CCSER1: variants seen among roughly 807,000 people sequenced by gnomAD.
The protein encoded by CCSER1 is coiled-coil serine rich protein 1, also known as serine-rich coiled-coil domain-containing protein 1.
A neutral mutation model predicts 82.0 loss-of-function variants in CCSER1; 41 were observed. The ratio of observed to expected loss-of-function variants is 0.50; its 90% CI spans 0.39 to 0.65. CCSER1 has a LOEUF of 0.65. Ranked by LOEUF, CCSER1 falls within the 30% of genes least tolerant of loss-of-function variation. CCSER1 has a pLI of 0.00. For missense variants in CCSER1, 1,119 were observed against 1,064.2 expected, an observed-to-expected ratio of 1.05 and a Z score of -0.72; for synonymous variants, 414 against 383.9, an observed-to-expected ratio of 1.08 and a Z score of -0.92.
At chr4:90,607,631 T>G (rs1056575285) in intron 5 of CCSER1, among the ~76,000 whole-genome samples, 1 of 152,180 alleles carries the variant, frequency 6.6e-6, no homozygotes, top group African/African-American at 2.4e-5. Flanking sequence ...TAATACCAGT[T>G]ATGTTCGAAT....
intron 9 of CCSER1, among the ~76,000 whole-genome samples, chr4:91,059,414 G>A (rs1380183367): frequency 1.5e-5 from 2 of 133,638 alleles, no homozygotes; most frequent in Non-Finnish European, 3.2e-5. Context: ...GTTTGTTTTT[G>A]TTGTATTAAT....
chr4:90,982,771 T>C (rs1736233503), intron 9 of CCSER1, among the ~76,000 whole-genome samples: 1 of 151,798 alleles, frequency 6.6e-6, no homozygotes, highest in East Asian at 1.9e-4. Flanking sequence ...AGGTCATTCC[T>C]TTGAACCTAG....
chr4:90,260,554 G>A (rs769798838), intron 1 of CCSER1, among the ~76,000 whole-genome samples: 11 of 151,964 alleles, frequency 7.2e-5, no homozygotes, highest in Non-Finnish European at 1.3e-4. Flanking sequence ...AGTCTGTTTT[G>A]TCTGACATAA....
chr4:91,199,198 C>T (rs1243954841), intron 10 of CCSER1, among the ~76,000 whole-genome samples: 1 of 152,074 alleles, frequency 6.6e-6, no homozygotes, highest in African/African-American at 2.4e-5. Flanking sequence ...GATGGCTTGT[C>T]ACCCAAAGCA....
chr4:90,562,178 G>A (rs1392222899), intron 5 of CCSER1, among the ~76,000 whole-genome samples: 6 of 112,476 alleles, frequency 5.3e-5, no homozygotes, highest in Non-Finnish European at 1.7e-5. Flanking sequence ...CAACAAGAGT[G>A]AAACTCCATC....
chr4:90,797,199 G>T (rs1053166993), intron 7 of CCSER1, among the ~76,000 whole-genome samples: 1 of 152,164 alleles, frequency 6.6e-6, no homozygotes, highest in Non-Finnish European at 1.5e-5. Context: ...AGGTTAGCTA[G>T]ATCTTATTGT....
chr4:90,313,584 C>T (rs1056538416), intron 3 of CCSER1, among the ~76,000 whole-genome samples: 2 of 152,060 alleles, frequency 1.3e-5, no homozygotes, highest in African/African-American at 4.8e-5. Context: ...ATACCCTATT[C>T]CTGGTCCAAA....
At chr4:90,839,135 T>C in intron 8 of CCSER1, 1 of 905,394 alleles carries the variant, frequency 1.1e-6, no homozygotes, top group Non-Finnish European at 1.8e-6. Context: ...TTTTTAATAA[T>C]GTTTGCATTT....
intron 6 of CCSER1, among the ~76,000 whole-genome samples, chr4:90,691,578 A>C (rs143163753): frequency 1.0e-4 from 15 of 150,408 alleles, no homozygotes; most frequent in East Asian, 3.9e-4. Flanking sequence ...CACATGTATA[A>C]TGCATGTGAA....
chr4:90,507,087 A>C (rs1179648664), intron 5 of CCSER1, among the ~76,000 whole-genome samples: 1 of 152,240 alleles, frequency 6.6e-6, no homozygotes, highest in Non-Finnish European at 1.5e-5. Context: ...AATGAAGCAT[A>C]AAGGAATGTG....
intron 10 of CCSER1, among the ~76,000 whole-genome samples, chr4:91,203,838 T>G (rs937010339): frequency 2.0e-5 from 3 of 151,894 alleles, no homozygotes; most frequent in African/African-American, 7.2e-5. Context: ...TACTGATTAC[T>G]GTCTGTTGAA....
At chr4:91,196,178 CAAAAAAAA>C (rs61336014) in intron 10 of CCSER1, among the ~76,000 whole-genome samples, 165 of 60,832 alleles carry the variant, frequency 2.7e-3, no homozygotes, top group African/African-American at 6.7e-3. Context: ...AACAGCGAGA[CAAAAAAAA>C]AAAAAAAAAA....
At chr4:91,021,052 T>C (rs1214924723) in intron 9 of CCSER1, among the ~76,000 whole-genome samples, 1 of 152,202 alleles carries the variant, frequency 6.6e-6, no homozygotes, top group East Asian at 1.9e-4. Context: ...CCTTCCATTA[T>C]GAGATTATGC....
At chr4:90,318,566 TAAG>T (rs1736571441) in intron 3 of CCSER1, among the ~76,000 whole-genome samples, 1 of 152,248 alleles carries the variant, frequency 6.6e-6, no homozygotes, top group African/African-American at 2.4e-5. Flanking sequence ...ATTTGATTAA[TAAG>T]AAGTAGTTAG....
intron 10 of CCSER1, among the ~76,000 whole-genome samples, chr4:91,378,034 A>C (rs1750562844): frequency 6.6e-6 from 1 of 152,170 alleles, no homozygotes; most frequent in Non-Finnish European, 1.5e-5. Context: ...TGTTTTTGTC[A>C]GATTTGTCAA....
chr4:90,829,204 A>G lies in CCSER1; in HGVS notation c.2094+13359A>G, dbSNP rs1236186962. On this transcript the variant is annotated intron_variant, in intron 8 of 10. Transcript: ENST00000509176. ...TAAGGAAACAACGTTCAACAAAACC[A>G]TGAAAACTTTTCAAAAATTTAGGAA... Among the ~76,000 whole-genome samples the G allele has an allele frequency of 2.0e-5, 3 of 152,190 alleles. No homozygotes were observed. The East Asian group carries it at 5.8e-4, about 29-fold the overall frequency.
chr4:91,051,524 A>G (rs191100851), intron 9 of CCSER1, among the ~76,000 whole-genome samples: 5 of 152,250 alleles, frequency 3.3e-5, no homozygotes. Flanking sequence ...GTTCCTAAAA[A>G]TCCAAAACAA....
intron 5 of CCSER1, among the ~76,000 whole-genome samples, chr4:90,521,934 T>C (rs896672693): frequency 6.6e-6 from 1 of 152,178 alleles, no homozygotes; most frequent in African/African-American, 2.4e-5. Context: ...TGGTCACTCC[T>C]GTTCAGTTTT....
In CCSER1 at chr4:91,598,939, G is replaced by C; in HGVS notation, c.2585G>C (p.Arg862Thr). ...TARQHSTFTGRFGQPPRGPIS... is the reference protein window; with the variant it reads ...TARQHSTFTGTFGQPPRGPIS... ...CGACAGCATTCGACCTTTACAGGCA[G>C]GTTTGGACAGCCACCCAGAGGGCCA... The change falls in exon 11 of 11, where the codon AGG becomes ACG. Residue 862 changes from arginine (R) to threonine (T), a missense_variant. By Grantham distance (71) the Arg-to-Thr change is moderately conservative. Coordinates refer to ENST00000509176, the MANE Select transcript of CCSER1 (RefSeq NM_001145065.2). The C allele has an allele frequency of 6.4e-7, 1 of 1,551,538 alleles. No individual in the cohort carries two copies. Among genetic ancestry groups the C allele is most frequent in the Non-Finnish European group, 8.7e-7 (1 of 1,146,892 alleles).
Sources: allele counts gnomAD v4.1 joint callset (sites outside exome capture counted in the v4.1 genomes callset), GRCh38; gene constraint gnomAD v4.1.1; transcripts MANE v1.5; gene names NCBI Gene and HGNC (gene_info 2026-07-23, HGNC 2026-07-21).